Variants in RASGRP1 observed in about 807,000 individuals in gnomAD.
RASGRP1 encodes RAS guanyl-releasing protein 1.
RASGRP1 carries 37 observed loss-of-function variants against 95.1 expected under a neutral mutation model. The observed-to-expected ratio is 0.39, with a 90% CI of 0.30 to 0.51. RASGRP1 has a LOEUF of 0.51. Ranked by LOEUF, RASGRP1 falls within the 20% of genes least tolerant of loss-of-function variation. The pLI, the probability that RASGRP1 is intolerant of heterozygous loss-of-function variation, is 0.80. For synonymous variants in RASGRP1, 325 were observed against 353.4 expected, an observed-to-expected ratio of 0.92 and a Z score of 0.90; for missense variants, 711 against 965.4, an observed-to-expected ratio of 0.74 and a Z score of 3.49.
rs1236905044 is a variant in RASGRP1 at position 38,488,644 on chromosome 15, CTGGGGA to C, written c.*1904_*1909del. On this transcript the variant is annotated 3_prime_UTR_variant, in exon 17 of 17. Coordinates refer to ENST00000310803, the MANE Select transcript of RASGRP1 (RefSeq NM_005739.4). ...TATAGATTATTTATATAAAAACTAACTGGGGATCTTTACTTCGAATGGAGAGGAGGA... is the reference window on the plus strand; with the variant it reads ...TATAGATTATTTATATAAAAACTAACTCTTTACTTCGAATGGAGAGGAGGA... The C allele has an allele frequency of 6.6e-6, 1 of 151,846 alleles. No individual in the cohort carries two copies. The highest frequency in any genetic ancestry group is 1.5e-5 in the Non-Finnish European group (1 of 67,844). 9.4% of individuals were successfully genotyped at this position (151,846 alleles called of 1,614,324 possible).
rs147381346 is a variant in RASGRP1 at position 38,502,926 on chromosome 15, T to C, written c.1428+346A>G. The C allele has an allele frequency of 1.0e-3, 311 of 305,768 alleles. 1 individual carries two copies. The highest frequency in any genetic ancestry group is 6.3e-3 in the African/African-American group (295 of 46,712). The allele number at this position is 305,768 out of a possible 1,614,324, so 18.9% of individuals were successfully genotyped here. A position where few individuals can be genotyped will look rare whatever the true frequency, so the allele number is the denominator to read the frequency against. On this transcript the variant is annotated intron_variant, in intron 11 of 16. Coordinates refer to ENST00000310803, the MANE Select transcript of RASGRP1 (RefSeq NM_005739.4). ...CTTCCTCAGCAATTAGCACAGAGAA[T>C]TGAATTAAGCAGTACAAAGGTTTTC...
intron 2 of RASGRP1, among the ~76,000 whole-genome samples, chr15:38,531,737 G>A (rs562510531): frequency 2.0e-5 from 3 of 152,214 alleles, no homozygotes; most frequent in Admixed American, 6.5e-5. Context: ...TAGGGAAAGA[G>A]CAGACAGAAA....
chr15:38,508,352 C>T (rs1216191553), intron 8 of RASGRP1, among the ~76,000 whole-genome samples: 2 of 152,168 alleles, frequency 1.3e-5, no homozygotes, highest in African/African-American at 2.4e-5. Flanking sequence ...AACACTATCC[C>T]TCTAACTCCT....
chr15:38,557,800 C>T (rs956835906), intron 2 of RASGRP1, among the ~76,000 whole-genome samples: 2 of 152,092 alleles, frequency 1.3e-5, no homozygotes, highest in Non-Finnish European at 2.9e-5. Flanking sequence ...CTATTAGACT[C>T]AACGGGACTT....
intron 2 of RASGRP1, among the ~76,000 whole-genome samples, chr15:38,527,907 T>G (rs1434763312): frequency 6.6e-6 from 1 of 152,118 alleles, no homozygotes; most frequent in East Asian, 1.9e-4. Context: ...TGCAGTGAGC[T>G]ATGATAACAT....
rs1283384373 is a variant in RASGRP1, at chr15:38,507,877, G to C, written c.1091C>G (p.Ser364Cys). ...ILGVHLKDLI[S>C]LYEAMPDYLE... is the part of the protein sequence containing the mutation. ...ATAGTCAGGCATGGCTTCATACAGG[G>C]AGATGAGGTCCTTGAGATGCACACC... Residue 364 changes from serine to cysteine, a missense_variant, in exon 9 of 17, where the codon TCC becomes TGC. Transcript: ENST00000310803. 6.8e-6 allele frequency: 11 copies of C among 1,613,580 alleles called. No homozygotes were observed. In the Admixed American group the frequency reaches 1.8e-4, roughly 27 times the overall value.
At position 38,499,772 on chromosome 15, in the gene RASGRP1, A is replaced by G. The variant is rs142003826; in HGVS notation, c.1720+331T>C. Among the ~76,000 whole-genome samples, 218 of 152,264 alleles carry G rather than the reference A, an allele frequency of 1.4e-3. 2 individuals carry two copies. The highest frequency in any genetic ancestry group is 0.011 in the South Asian group (52 of 4,818). The stretch of plus-strand genomic sequence containing the variant: ...GCCCATAATCCCCATGTGTCATGGG[A>G]GGGACCCAATGGGAGGTAAATGAAT... On this transcript the variant is annotated intron_variant, in intron 14 of 16. Transcript: ENST00000310803.
intron 8 of RASGRP1, 60 bp from the exon 9 acceptor site, chr15:38,508,061 G>T: frequency 6.6e-7 from 1 of 1,515,372 alleles, no homozygotes; most frequent in Non-Finnish European, 8.9e-7. Flanking sequence ...TGTCTGTAAT[G>T]AGGACCTTGC....
intron 5 of RASGRP1, among the ~76,000 whole-genome samples, chr15:38,517,919 T>C (rs968848073): frequency 2.0e-5 from 3 of 152,240 alleles, no homozygotes; most frequent in African/African-American, 7.2e-5. Flanking sequence ...TTTTTAGTCC[T>C]GTCCCATTTA....
chr15:38,502,691 G>A (rs1042437006), intron 11 of RASGRP1, among the ~76,000 whole-genome samples: 6 of 152,092 alleles, frequency 3.9e-5, no homozygotes, highest in Non-Finnish European at 5.9e-5. Context: ...AGTTCACTGC[G>A]CAGAGGGATG....
chr15:38,520,487 T>C (rs1891959728), intron 3 of RASGRP1, among the ~76,000 whole-genome samples: 1 of 152,246 alleles, frequency 6.6e-6, no homozygotes, highest in South Asian at 2.1e-4. Flanking sequence ...TTTGAAATTG[T>C]ATATGCTTGT....
At chr15:38,506,646 A>C (rs1035739977) in intron 9 of RASGRP1, among the ~76,000 whole-genome samples, 11 of 151,564 alleles carry the variant, frequency 7.3e-5, no homozygotes, top group African/African-American at 2.7e-4. Flanking sequence ...AAAAAAAAAA[A>C]AAAAAAAAAA....
At chr15:38,503,705 A>T (rs8041310) in intron 10 of RASGRP1, 111,280 of 263,662 alleles carry the variant, frequency 0.42, 24,932 homozygotes, top group East Asian at 0.7. Context: ...ATCATTTATG[A>T]TTCCTCTCTA....
intron 2 of RASGRP1, among the ~76,000 whole-genome samples, chr15:38,548,291 A>C (rs2141179707): frequency 6.6e-6 from 1 of 152,322 alleles, no homozygotes; most frequent in Admixed American, 6.5e-5. Flanking sequence ...GGTCGGGTGC[A>C]GTGGCTCATG....
At chr15:38,511,349 C>A (rs58227962) in intron 8 of RASGRP1, among the ~76,000 whole-genome samples, 1,926 of 152,272 alleles carry the variant, frequency 0.013, 41 homozygotes, top group African/African-American at 0.043. Context: ...TGGGAAGAGG[C>A]ACACATTGTT....
intron 13 of RASGRP1, 145 bp downstream of exon 13, chr15:38,500,998 C>T (rs1327645702): frequency 8.3e-6 from 8 of 960,172 alleles, no homozygotes; most frequent in Non-Finnish European, 1.2e-5. Flanking sequence ...GTAAAAACCA[C>T]ACGCTTGAGC....
chr15:38,556,804 G>A (rs1470113543), intron 2 of RASGRP1, among the ~76,000 whole-genome samples: 2 of 152,220 alleles, frequency 1.3e-5, no homozygotes, highest in Non-Finnish European at 2.9e-5. Flanking sequence ...AAAGCAAGAA[G>A]GTGAGGTTGA....
intron 1 of RASGRP1, among the ~76,000 whole-genome samples, chr15:38,564,346 C>A (rs1234274271): frequency 6.6e-6 from 1 of 152,120 alleles, no homozygotes; most frequent in African/African-American, 2.4e-5. Flanking sequence ...CAGATCTCAC[C>A]GGACGAGCTC....
rs1891865846 is a variant in RASGRP1, at chr15:38,518,321, T to C, written c.492A>G (p.Leu164=). ...QELVKAKGEE[L]HCRLIDTTQI... The stretch of plus-strand genomic sequence containing the variant: ...GAGTTGTGTCAATCAGGCGGCAATG[T>C]AACTCCTCACCCTTAGCTTTCACCA... Residue 164 remains leucine, a synonymous_variant, in exon 5 of 17, where the codon TTA becomes TTG. Coordinates refer to ENST00000310803, the MANE Select transcript of RASGRP1 (RefSeq NM_005739.4). 1 of 1,610,624 alleles carries C rather than the reference T, an allele frequency of 6.2e-7. No individual in the cohort carries two copies. The highest frequency in any genetic ancestry group is 1.3e-5 in the African/African-American group (1 of 74,996).
Sources: allele counts gnomAD v4.1 joint callset (sites outside exome capture counted in the v4.1 genomes callset), GRCh38; gene constraint gnomAD v4.1.1; transcripts MANE v1.5; gene names NCBI Gene and HGNC (gene_info 2026-07-23, HGNC 2026-07-21).